Variants in OTULIN observed in about 807,000 individuals in gnomAD.
The protein encoded by OTULIN is ubiquitin thioesterase otulin.
A neutral mutation model predicts 39.6 loss-of-function variants in OTULIN; 15 were observed. The ratio of observed to expected loss-of-function variants is 0.38; its 90% CI spans 0.25 to 0.58. OTULIN has a LOEUF of 0.58. Ranked by LOEUF, OTULIN falls within the 20% of genes least tolerant of loss-of-function variation. The pLI is 0.66. For synonymous variants in OTULIN, 156 were observed against 170.3 expected (o/e 0.92, Z 0.65); for missense variants, 319 against 445.9 (o/e 0.72, Z 2.56).
chr5:14,696,841 AGT>A lies in OTULIN; in HGVS notation c.*3795_*3796del, dbSNP rs1216765431. 1.3e-5 allele frequency: 2 copies of A among 152,234 alleles called. No individual in the cohort carries two copies. Among genetic ancestry groups the A allele is most frequent in the Non-Finnish European group, 2.9e-5 (2 of 68,040 alleles). The allele number at this position is 152,234 out of a possible 1,614,324, so 9.4% of individuals were successfully genotyped here. ...AAGGGGATGGGAAGACTAGGGAGCC[AGT>A]GCCACGTTGAACAGAACAGTGGTTT... On this transcript the variant is annotated 3_prime_UTR_variant, in exon 7 of 7. Transcript: ENST00000284274.
rs25951 is a variant in OTULIN, at chr5:14,693,371, G to A, written c.*323G>A. On this transcript the variant is annotated 3_prime_UTR_variant, in exon 7 of 7. Coordinates refer to ENST00000284274, the MANE Select transcript of OTULIN (RefSeq NM_138348.6). ...TTTTGGAGAGGAATATGTTCTTTAT[G>A]TCTCAAATCAAAACTCTCTCTAATG... 198,109 of 211,620 alleles carry A rather than the reference G, an allele frequency of 0.94. 92,903 individuals are homozygous for A. Among genetic ancestry groups the A allele is most frequent in the African/African-American group, 0.97 (42,668 of 43,816 alleles). The allele number at this position is 211,620 out of a possible 1,614,324, so 13.1% of individuals were successfully genotyped here.
the OTULIN span, among the ~76,000 whole-genome samples, chr5:14,711,659 T>C: frequency 1.3e-5 from 2 of 152,134 alleles, no homozygotes; most frequent in Admixed American, 1.3e-4. Flanking sequence ...TCCTTCCTCC[T>C]CCCTAAAGCC....
intron 4 of OTULIN, among the ~76,000 whole-genome samples, chr5:14,683,152 G>A (rs75338992): frequency 3.3e-5 from 5 of 152,054 alleles, no homozygotes; most frequent in African/African-American, 4.8e-5. Flanking sequence ...GTGTGGTGGC[G>A]CCTGTAGTGT....
At chr5:14,692,600 G>T (rs545255168) in intron 6 of OTULIN, among the ~76,000 whole-genome samples, 226 of 149,470 alleles carry the variant, frequency 1.5e-3, no homozygotes, top group Non-Finnish European at 2.6e-3. Context: ...TTGGTTTTTT[G>T]TTTTGTTAAT....
At chr5:14,706,223 A>G in the OTULIN span, 1 of 152,262 alleles carries the variant, frequency 6.6e-6, no homozygotes, top group South Asian at 2.1e-4. Context: ...CTATATAAAA[A>G]AAATTTGCTG....
intron 1 of OTULIN, among the ~76,000 whole-genome samples, chr5:14,665,377 G>GACTTGT (rs1735808983): frequency 6.6e-6 from 1 of 152,246 alleles, no homozygotes; most frequent in African/African-American, 2.4e-5. Flanking sequence ...GGCGCTGCGC[G>GACTTGT]ACTTGTTCTT....
chr5:14,689,283 A>T (rs1271104726), intron 5 of OTULIN, among the ~76,000 whole-genome samples: 1 of 152,248 alleles, frequency 6.6e-6, no homozygotes, highest in Admixed American at 6.5e-5. Flanking sequence ...AATTGTATGC[A>T]GTCATTACCA....
At chr5:14,715,390 C>G in the OTULIN span, among the ~76,000 whole-genome samples, 5 of 152,230 alleles carry the variant, frequency 3.3e-5, no homozygotes, top group Non-Finnish European at 7.4e-5. Flanking sequence ...CTCGGACTAC[C>G]AAAGTGCTGG....
chr5:14,710,813 T>G, the OTULIN span: 1 of 291,224 alleles, frequency 3.4e-6, no homozygotes, highest in South Asian at 3.3e-5. Context: ...GACAGGAGAG[T>G]CTGTGGCCTG....
At chr5:14,708,629 G>GTTGT in the OTULIN span, 1 of 152,252 alleles carries the variant, frequency 6.6e-6, no homozygotes, top group Non-Finnish European at 1.5e-5. Flanking sequence ...TTGCCTCAAA[G>GTTGT]TTGTTAGGCT....
At chr5:14,700,339 A>AAG (rs1394350210), downstream of OTULIN, among the ~76,000 whole-genome samples, 1 of 152,186 alleles carries the variant, frequency 6.6e-6, no homozygotes, top group Non-Finnish European at 1.5e-5. Flanking sequence ...CAGGGACAAG[A>AAG]AGAGAGCATT....
At chr5:14,684,956 T>A (rs1291017534) in intron 4 of OTULIN, among the ~76,000 whole-genome samples, 2 of 152,238 alleles carry the variant, frequency 1.3e-5, no homozygotes, top group Non-Finnish European at 2.9e-5. Flanking sequence ...CCAGGTGTCC[T>A]GTTTGTTGTT....
At chr5:14,713,352 T>G in the OTULIN span, among the ~76,000 whole-genome samples, 1 of 152,316 alleles carries the variant, frequency 6.6e-6, no homozygotes, top group South Asian at 2.1e-4. This position sits in a 1 kb window ranked among gnomAD's most constrained non-coding sequence, Gnocchi z 4.4. Flanking sequence ...TGGGCCTGAT[T>G]TCAAAAGCAC....
downstream of OTULIN, among the ~76,000 whole-genome samples, chr5:14,703,750 A>G (rs954486654): frequency 2.6e-5 from 4 of 152,208 alleles, no homozygotes; most frequent in Admixed American, 2.0e-4. Context: ...TGCCATGGAC[A>G]TGGCATAGCC....
intron 6 of OTULIN, among the ~76,000 whole-genome samples, chr5:14,691,693 A>G (rs1273609167): frequency 6.6e-6 from 1 of 151,980 alleles, no homozygotes; most frequent in Non-Finnish European, 1.5e-5. Flanking sequence ...CCATCACTAC[A>G]GTCTAATTTT....
chr5:14,679,816 GT>G (rs1311082325), intron 3 of OTULIN, among the ~76,000 whole-genome samples: 3 of 152,176 alleles, frequency 2.0e-5, no homozygotes, highest in African/African-American at 7.2e-5. Flanking sequence ...GATGCTTTGT[GT>G]TTTAGGCGTT....
chr5:14,664,987 C>A lies in OTULIN; in HGVS notation c.152+10C>A. 1 of 1,053,430 alleles carries A rather than the reference C, an allele frequency of 9.5e-7. No homozygotes were observed. Among genetic ancestry groups the A allele is most frequent in the Admixed American group, 5.5e-5 (1 of 18,330 alleles). 65.3% of individuals were successfully genotyped at this position (1,053,430 alleles called of 1,614,324 possible). A position where few individuals can be genotyped will look rare whatever the true frequency, so the allele number is the denominator to read the frequency against. ...AGTGCCCGGCCGAGCAGTGAGTCCGCGGGGGCGCGGGGCGCGGGCCGTGGG... is the reference window on the plus strand; with the variant it reads ...AGTGCCCGGCCGAGCAGTGAGTCCGAGGGGGCGCGGGGCGCGGGCCGTGGG... On this transcript the variant is annotated intron_variant, in intron 1 of 6. Coordinates refer to ENST00000284274, the MANE Select transcript of OTULIN (RefSeq NM_138348.6).
chr5:14,714,572 G>A, the OTULIN span, among the ~76,000 whole-genome samples: 8 of 152,148 alleles, frequency 5.3e-5, no homozygotes, highest in Non-Finnish European at 1.2e-4. Flanking sequence ...AGTCTTTGCC[G>A]TCTTCTTGGT....
rs975054101 is a variant in OTULIN at position 14,686,968 on chromosome 5, A to G, written c.469-553A>G. ...ATTAGATAGTTAAACTAGACATAGT[A>G]TCATTTCTCTGAATGTTAAAACTTG... On this transcript the variant is annotated intron_variant, in intron 4 of 6. Coordinates refer to ENST00000284274, the MANE Select transcript of OTULIN (RefSeq NM_138348.6). Among the ~76,000 whole-genome samples, 15 of 152,248 alleles carry G rather than the reference A, an allele frequency of 9.9e-5. 1 individual carries two copies. Among genetic ancestry groups the G allele is most frequent in the East Asian group, 1.9e-4 (1 of 5,206 alleles).
Sources: gnomAD v4.1 joint callset for allele counts (sites outside exome capture counted in the v4.1 genomes callset) on GRCh38, gnomAD v4.1.1 for gene constraint, Gnocchi (gnomAD v3.1) non-coding constraint, MANE v1.5 for transcripts, NCBI Gene and HGNC (gene_info 2026-07-23, HGNC 2026-07-21) for gene names.